The following TRMT1L variants were observed in gnomAD, a reference collection of about 807,000 sequenced individuals.
The protein encoded by TRMT1L is tRNA (guanine(27)-N(2))-dimethyltransferase.
Under a neutral mutation model 81.6 loss-of-function variants are expected in TRMT1L, and 28 were observed. The ratio of observed to expected loss-of-function variants is 0.34; its 90% CI spans 0.25 to 0.47. The LOEUF is 0.47. Ranked by LOEUF, TRMT1L falls within the 20% of genes least tolerant of loss-of-function variation. The probability of loss-of-function intolerance (pLI) is 1.00; values close to 1 mark genes in which losing one functional copy is unlikely to be tolerated. For synonymous variants in TRMT1L, 301 were observed against 303.2 expected (o/e 0.99, Z 0.07); for missense variants, 739 against 877.1 (o/e 0.84, Z 1.99).
chr1:185,132,024 C>T (rs1652783138), intron 10 of TRMT1L, among the ~76,000 whole-genome samples: 1 of 151,668 alleles, frequency 6.6e-6, no homozygotes, highest in Non-Finnish European at 1.5e-5. Context: ...GCCTGCAGTC[C>T]CAGCTACTCA....
In TRMT1L at chr1:185,156,721, C is replaced by A. The variant is rs780887599; in HGVS notation, c.-9G>T. On this transcript the variant is annotated 5_prime_UTR_variant, in exon 1 of 15. Transcript: ENST00000367506. Reference sequence around the variant, plus strand: ...TCCGCCATATTCTCCATAGTTACCGCCTCCGTGCCAAGCCCGCCCGGGGAC... The same window carrying A: ...TCCGCCATATTCTCCATAGTTACCGACTCCGTGCCAAGCCCGCCCGGGGAC... The A allele has an allele frequency of 3.1e-6, 5 of 1,612,556 alleles. No homozygotes were observed. The Admixed American group carries it at 8.3e-5, about 27-fold the overall frequency.
chr1:185,147,111 C>G, intron 4 of TRMT1L, 71 bp downstream of exon 4: 1 of 1,073,132 alleles, frequency 9.3e-7, no homozygotes, highest in Non-Finnish European at 1.4e-6. Flanking sequence ...TTTAGTTTCA[C>G]AGTAAGTAAA....
At chr1:185,141,741 T>G (rs965144147) in intron 7 of TRMT1L, among the ~76,000 whole-genome samples, 1 of 152,088 alleles carries the variant, frequency 6.6e-6, no homozygotes, top group South Asian at 2.1e-4. Context: ...TGAAGAATAC[T>G]GAGAAATAAA....
At chr1:185,153,632 G>T (rs1460464358) in intron 1 of TRMT1L, among the ~76,000 whole-genome samples, 1 of 152,086 alleles carries the variant, frequency 6.6e-6, no homozygotes, top group Non-Finnish European at 1.5e-5. Flanking sequence ...AAGTTTGACG[G>T]TATAAAAAAG....
chr1:185,156,239 C>G (rs1653550619), intron 1 of TRMT1L, among the ~76,000 whole-genome samples: 1 of 152,230 alleles, frequency 6.6e-6, no homozygotes, highest in Admixed American at 6.5e-5. Context: ...TTCCTTCTAT[C>G]TGCAGCATTC....
At chr1:185,143,472 T>A (rs764167718) in intron 6 of TRMT1L, 36 bp from the exon 7 acceptor site, 2 of 1,549,948 alleles carry the variant, frequency 1.3e-6, no homozygotes, top group Non-Finnish European at 1.8e-6. Context: ...AACTTTACCA[T>A]GGCTTCACCA....
chr1:185,129,389 G>T (rs938718031), intron 10 of TRMT1L, among the ~76,000 whole-genome samples: 1 of 152,070 alleles, frequency 6.6e-6, no homozygotes, highest in Non-Finnish European at 1.5e-5. Flanking sequence ...ATCTAATTTG[G>T]TTTAAAAAGC....
intron 14 of TRMT1L, 31 bp downstream of exon 14, chr1:185,120,352 T>C (rs781417073): frequency 3.3e-6 from 5 of 1,500,642 alleles, no homozygotes; most frequent in Non-Finnish European, 4.4e-6. Context: ...ATATAAAATA[T>C]ATATACTTTG....
At chr1:185,129,397 A>C (rs1225505530) in intron 10 of TRMT1L, among the ~76,000 whole-genome samples, 3 of 152,142 alleles carry the variant, frequency 2.0e-5, no homozygotes, top group Non-Finnish European at 4.4e-5. Flanking sequence ...TGGTTTAAAA[A>C]GCAATGAATG....
At chr1:185,145,646 T>C (rs1418999768) in intron 4 of TRMT1L, 78 bp from the exon 5 acceptor site, 4 of 1,424,138 alleles carry the variant, frequency 2.8e-6, no homozygotes, top group Admixed American at 3.6e-5. Context: ...TTTAAGTACA[T>C]TAGTGTCTTG....
chr1:185,140,454 TA>T (rs1240301773), intron 7 of TRMT1L, among the ~76,000 whole-genome samples: 3 of 152,188 alleles, frequency 2.0e-5, no homozygotes, highest in African/African-American at 7.2e-5. Context: ...CTTGTTCAAA[TA>T]AAATCTCTAT....
chr1:185,129,250 T>G (rs996739833), intron 10 of TRMT1L, among the ~76,000 whole-genome samples: 3 of 152,216 alleles, frequency 2.0e-5, no homozygotes, highest in African/African-American at 7.2e-5. Context: ...TTTTAACAAA[T>G]GTATACACCC....
Position 185,156,787 on chromosome 1 carries a change from A to G in TRMT1L, c.-75T>C. On this transcript the variant is annotated 5_prime_UTR_variant, in exon 1 of 15. Coordinates refer to ENST00000367506, the MANE Select transcript of TRMT1L (RefSeq NM_030934.5). Reference sequence around the variant, plus strand: ...CGGCGGGGTCAGAGAACTGACGTGAATGCCCACAGGGCTGGATCCAAGGAG... The same window carrying G: ...CGGCGGGGTCAGAGAACTGACGTGAGTGCCCACAGGGCTGGATCCAAGGAG... The G allele has an allele frequency of 1.9e-6, 3 of 1,588,884 alleles. No homozygotes were observed. The highest frequency in any genetic ancestry group is 1.1e-5 in the South Asian group (1 of 88,138).
intron 6 of TRMT1L, 108 bp from the exon 7 acceptor site, chr1:185,143,544 T>A (rs1653105599): frequency 1.1e-6 from 1 of 909,210 alleles, no homozygotes; most frequent in African/African-American, 1.7e-5. Flanking sequence ...TACAAACTAT[T>A]TCAAAAGGAG....
chr1:185,120,541 C>A, intron 13 of TRMT1L, 32 bp from the exon 14 acceptor site: 1 of 1,497,336 alleles, frequency 6.7e-7, no homozygotes, highest in South Asian at 1.4e-5. Context: ...TTAGCATGCT[C>A]TTAAAAATTA....
intron 10 of TRMT1L, among the ~76,000 whole-genome samples, chr1:185,131,706 G>T (rs538070929): frequency 6.6e-6 from 1 of 152,110 alleles, no homozygotes; most frequent in East Asian, 1.9e-4. Context: ...GTATAAAGTA[G>T]AACTAATTGC....
chr1:185,138,530 A>C (rs1182177455), intron 9 of TRMT1L, among the ~76,000 whole-genome samples: 1 of 152,150 alleles, frequency 6.6e-6, no homozygotes, highest in Admixed American at 6.5e-5. Context: ...CTGGCAAGTG[A>C]GCTGGCTGAT....
rs530593521 is a variant in TRMT1L at position 185,156,823 on chromosome 1, A to C, written c.-111T>G. The C allele has an allele frequency of 2.1e-6, 3 of 1,438,078 alleles. No individual in the cohort carries two copies. Among genetic ancestry groups the C allele is most frequent in the South Asian group, 2.6e-5 (2 of 76,816 alleles). The allele number at this position is 1,438,078 out of a possible 1,614,324, so 89.1% of individuals were successfully genotyped here. On this transcript the variant is annotated 5_prime_UTR_variant, in exon 1 of 15. Transcript: ENST00000367506. Reference sequence around the variant, plus strand: ...GCTGGATCCAAGGAGTGGGGAAGCAAGTGGGGAGGGCGGGATGCGTGCAAC... The same window carrying C: ...GCTGGATCCAAGGAGTGGGGAAGCACGTGGGGAGGGCGGGATGCGTGCAAC...
chr1:185,154,497 G>C (rs1211751600), intron 1 of TRMT1L, among the ~76,000 whole-genome samples: 7 of 152,206 alleles, frequency 4.6e-5, no homozygotes, highest in Non-Finnish European at 1.0e-4. Context: ...AGGTCAGACA[G>C]CAATATTCCA....
Sources: allele counts gnomAD v4.1 joint callset (sites outside exome capture counted in the v4.1 genomes callset), GRCh38; gene constraint gnomAD v4.1.1; transcripts MANE v1.5; gene names NCBI Gene and HGNC (gene_info 2026-07-23, HGNC 2026-07-21).